LPIN1: variants seen among roughly 807,000 people sequenced by gnomAD.
LPIN1 encodes the protein lipin 1.
Under a neutral mutation model 107.5 loss-of-function variants are expected in LPIN1, and 71 were observed. That is an observed-to-expected ratio of 0.66 (90% CI 0.55 to 0.80). The LOEUF is 0.80. Among genes scored for constraint, LPIN1 ranks in the 30% least tolerant of loss-of-function variants. The pLI is 0.00. For missense variants in LPIN1, 1,043 were observed against 1,160.6 expected (o/e 0.90, Z 1.47); for synonymous variants, 445 against 452.6 (o/e 0.98, Z 0.21).
Position 11,824,895 on chromosome 2 carries a change from C to A in LPIN1, c.*104C>A. On this transcript the variant is annotated 3_prime_UTR_variant, in exon 21 of 21. Transcript: ENST00000674199. Reference sequence around the variant, plus strand: ...AGCTCCACCTGGGAGCCTGGCGCGTCATCATTGGCCTGACAGCAGAGAGAA... The same window carrying A: ...AGCTCCACCTGGGAGCCTGGCGCGTAATCATTGGCCTGACAGCAGAGAGAA... 1 of 1,297,110 alleles carries A rather than the reference C, an allele frequency of 7.7e-7. No homozygotes were observed. Among genetic ancestry groups the A allele is most frequent in the Non-Finnish European group, 1.1e-6 (1 of 907,100 alleles). The allele number at this position is 1,297,110 out of a possible 1,614,324, so 80.4% of individuals were successfully genotyped here.
rs566716699 is a variant in LPIN1, at chr2:11,712,369, G to C, written c.82-1387G>C. Among the ~76,000 whole-genome samples, 9 of 152,272 alleles carry C rather than the reference G, an allele frequency of 5.9e-5. No homozygotes were observed. In the South Asian group the frequency reaches 1.7e-3, roughly 28 times the overall value. Reference sequence around the variant, plus strand: ...ACGAACCTTCCCTACATTCCCCACAGGCAGATGCTTGGCTGCCTCCTCTGT... The same window carrying C: ...ACGAACCTTCCCTACATTCCCCACACGCAGATGCTTGGCTGCCTCCTCTGT... On this transcript the variant is annotated intron_variant, in intron 1 of 21. Coordinates refer to the LPIN1 transcript ENST00000449576.
At chr2:11,688,499 G>T (rs1199075014) in intron 1 of LPIN1, among the ~76,000 whole-genome samples, 2 of 152,122 alleles carry the variant, frequency 1.3e-5, no homozygotes, top group Non-Finnish European at 2.9e-5. Context: ...TATTTTTCAG[G>T]CCCCGCCTGT....
At chr2:11,752,080 A>G (rs1312373652) in intron 1 of LPIN1, among the ~76,000 whole-genome samples, 1 of 152,206 alleles carries the variant, frequency 6.6e-6, no homozygotes, top group African/African-American at 2.4e-5. Context: ...CCCTATTACA[A>G]TTAATGCTAC....
intron 1 of LPIN1, 71 bp downstream of exon 1, chr2:11,746,742 C>A (rs1448541674): frequency 1.2e-6 from 1 of 843,612 alleles, no homozygotes. Context: ...CGGGGCGGGG[C>A]GCGGCGCCGG....
intron 1 of LPIN1, among the ~76,000 whole-genome samples, chr2:11,710,848 AT>A (rs1274787196): frequency 6.6e-6 from 1 of 151,972 alleles, no homozygotes; most frequent in Non-Finnish European, 1.5e-5. Context: ...TTATGTTGGA[AT>A]TTTGAATTAC....
chr2:11,737,279 C>T (rs1281333279), intron 1 of LPIN1, among the ~76,000 whole-genome samples: 5 of 152,174 alleles, frequency 3.3e-5, no homozygotes, highest in African/African-American at 1.2e-4. Context: ...ACCATAAAAA[C>T]CCTAGAAGAA....
rs1662926105 is a variant in LPIN1, at chr2:11,702,561, T to C, written c.82-11195T>C. ...GTAATATGTGAGACAACGCGGATGC[T>C]TGAGAAAGGGAAACCTTGACTGACT... On this transcript the variant is annotated intron_variant, in intron 1 of 21. Coordinates refer to the LPIN1 transcript ENST00000449576. Among the ~76,000 whole-genome samples the C allele has an allele frequency of 2.0e-5, 3 of 152,206 alleles. No homozygotes were observed. In the South Asian group the frequency reaches 6.2e-4, roughly 32 times the overall value.
At chr2:11,779,097 C>G (rs895012093) in intron 6 of LPIN1, among the ~76,000 whole-genome samples, 1 of 152,170 alleles carries the variant, frequency 6.6e-6, no homozygotes, top group Non-Finnish European at 1.5e-5. Context: ...AGTGCCTGCC[C>G]GAGCCAACCA....
chr2:11,786,920 CGGCCTTTACA>C lies in LPIN1; in HGVS notation c.1550-153_1550-144del. 2 of 675,698 alleles carry C rather than the reference CGGCCTTTACA, an allele frequency of 3.0e-6. No homozygotes were observed. The highest frequency in any genetic ancestry group is 5.4e-6 in the Non-Finnish European group (2 of 369,878). The allele number at this position is 675,698 out of a possible 1,614,324, so 41.9% of individuals were successfully genotyped here. ...ACGCCGCCTTCCAGGTAAAATGGTG[CGGCCTTTACA>C]AATACATTTTATAGGATTGTCTGCA... On this transcript the variant is annotated intron_variant, in intron 10 of 20. Coordinates refer to ENST00000674199, the MANE Select transcript of LPIN1 (RefSeq NM_001349206.2). The surrounding 1 kb of genome is among the most constrained non-coding windows in gnomAD (Gnocchi z 4.1).
intron 1 of LPIN1, among the ~76,000 whole-genome samples, chr2:11,679,499 C>T (rs1044123137): frequency 3.3e-5 from 5 of 152,206 alleles, no homozygotes; most frequent in African/African-American, 1.2e-4. Context: ...ACTTTGTAAA[C>T]AGAGGTGGTG....
At position 11,765,064 on chromosome 2, in the gene LPIN1, G is replaced by T. The variant is rs931293136; in HGVS notation, c.-9-469G>T. 6.6e-6 allele frequency among the ~76,000 whole-genome samples: 1 copy of T among 152,080 alleles called. No individual in the cohort carries two copies. The highest frequency in any genetic ancestry group is 1.9e-4 in the East Asian group (1 of 5,190). On this transcript the variant is annotated intron_variant, in intron 1 of 20. Coordinates refer to ENST00000674199, the MANE Select transcript of LPIN1 (RefSeq NM_001349206.2). The surrounding 1 kb of genome is among the most constrained non-coding windows in gnomAD (Gnocchi z 4.4). ...GCTGTGATGGATCCTGATGGGCCGT[G>T]ATGGGCTGTGATGGACCCTGGTGGG...
At chr2:11,793,166 T>C (rs756694773) in intron 13 of LPIN1, among the ~76,000 whole-genome samples, 35 of 152,310 alleles carry the variant, frequency 2.3e-4, no homozygotes, top group Non-Finnish European at 2.5e-4. Flanking sequence ...TCTTCCATCA[T>C]TGGGGCCATA....
chr2:11,798,278 G>T (rs773205875), intron 14 of LPIN1, among the ~76,000 whole-genome samples: 9 of 152,182 alleles, frequency 5.9e-5, no homozygotes, highest in Non-Finnish European at 1.5e-5. Context: ...CTTAGACCTA[G>T]GGGAAGATGG....
chr2:11,812,150 A>G (rs1039408002), intron 17 of LPIN1, among the ~76,000 whole-genome samples: 1 of 152,234 alleles, frequency 6.6e-6, no homozygotes, highest in South Asian at 2.1e-4. Flanking sequence ...TCCATTGGCC[A>G]TTATAAAATA....
At chr2:11,763,997 A>G (rs766950396) in intron 1 of LPIN1, among the ~76,000 whole-genome samples, 9,392 of 116,252 alleles carry the variant, frequency 0.081, 384 homozygotes, top group African/African-American at 0.12. Context: ...GTATATATAT[A>G]TATATATATT....
In LPIN1 at chr2:11,826,615, G is replaced by T. The variant is rs904659468; in HGVS notation, c.*1824G>T. 2.0e-5 allele frequency: 3 copies of T among 151,888 alleles called. No individual in the cohort carries two copies. Among genetic ancestry groups the T allele is most frequent in the Admixed American group, 2.0e-4 (3 of 15,242 alleles). 9.4% of individuals were successfully genotyped at this position (151,888 alleles called of 1,614,324 possible). A position where few individuals can be genotyped will look rare whatever the true frequency, so the allele number is the denominator to read the frequency against. On this transcript the variant is annotated 3_prime_UTR_variant, in exon 21 of 21. Transcript: ENST00000674199. ...TATATTCATTCTTTATGCAATGAGG[G>T]TATTTTTGAGTGAATTTTAACTGCT... is the stretch of plus-strand genomic sequence containing the variant.
Position 11,765,622 on chromosome 2 carries a change from C to G in LPIN1, c.81C>G (p.Leu27=), listed in dbSNP as rs1369500754. The change falls in exon 2 of 21, where the codon CTC becomes CTG. Residue 27 remains leucine, a synonymous_variant. Transcript: ENST00000674199. This position sits in a 1 kb window ranked among gnomAD's most constrained non-coding sequence, Gnocchi z 4.4. Reference sequence around the variant, plus strand: ...ACAAGGGGCTGAATCCCGCCACACTCTCAGGGTGCATTGACATCATTGTCA... The same window carrying G: ...ACAAGGGGCTGAATCCCGCCACACTGTCAGGGTGCATTGACATCATTGTCA... ...ELYKGLNPAT[L]SGCIDIIVIR... is the part of the protein sequence containing the mutation. 1.2e-6 allele frequency: 2 copies of G among 1,614,180 alleles called. No individual in the cohort carries two copies. Among genetic ancestry groups the G allele is most frequent in the Non-Finnish European group, 1.7e-6 (2 of 1,180,024 alleles).
chr2:11,711,200 A>T (rs1375643254), intron 1 of LPIN1, among the ~76,000 whole-genome samples: 1 of 152,182 alleles, frequency 6.6e-6, no homozygotes, highest in African/African-American at 2.4e-5. Context: ...CCCCTGAAGA[A>T]TTTGGGTTGG....
At chr2:11,820,559 T>TA in intron 20 of LPIN1, 45 bp downstream of exon 20, 1 of 1,401,888 alleles carries the variant, frequency 7.1e-7, no homozygotes, top group Non-Finnish European at 1.0e-6. Context: ...TCAGTACTAT[T>TA]ATCTTAAAAC....
Sources: gnomAD v4.1 joint callset for allele counts (sites outside exome capture counted in the v4.1 genomes callset) on GRCh38, gnomAD v4.1.1 for gene constraint, Gnocchi (gnomAD v3.1) non-coding constraint, MANE v1.5 for transcripts, NCBI Gene and HGNC (gene_info 2026-07-23, HGNC 2026-07-21) for gene names.